RGS6: variants seen among roughly 807,000 people sequenced by gnomAD.
RGS6 encodes regulator of G-protein signaling 6.
In RGS6, 30 loss-of-function variants were observed where a neutral mutation model predicts 78.5. The observed-to-expected ratio is 0.38, with a 90% CI of 0.29 to 0.52. RGS6 has a LOEUF of 0.52. Ranked by LOEUF, RGS6 falls within the 20% of genes least tolerant of loss-of-function variation. RGS6 has a pLI of 0.85. For missense variants in RGS6, 495 were observed against 609.7 expected (o/e 0.81, Z 1.98); for synonymous variants, 206 against 206.0 (o/e 1.00, Z 0.00).
intron 3 of RGS6, among the ~76,000 whole-genome samples, chr14:72,378,549 A>G (rs539797991): frequency 1.3e-5 from 2 of 152,260 alleles, no homozygotes; most frequent in Admixed American, 6.5e-5. Context: ...AAGGATCGTT[A>G]GAGACTATAA....
chr14:72,309,149 G>A (rs1217897250), intron 2 of RGS6, among the ~76,000 whole-genome samples: 1 of 152,158 alleles, frequency 6.6e-6, no homozygotes, highest in African/African-American at 2.4e-5. Flanking sequence ...AGCATTTCAT[G>A]TGGAACCGGA....
At chr14:72,296,291 G>A (rs1197810833) in intron 2 of RGS6, among the ~76,000 whole-genome samples, 2 of 152,148 alleles carry the variant, frequency 1.3e-5, no homozygotes, top group East Asian at 1.9e-4. Context: ...TCTAAAAGCT[G>A]CCATGAAAAG....
At chr14:72,404,658 G>A (rs1224307565) in intron 3 of RGS6, among the ~76,000 whole-genome samples, 1 of 152,232 alleles carries the variant, frequency 6.6e-6, no homozygotes, top group African/African-American at 2.4e-5. Flanking sequence ...TAAAGGACAT[G>A]TTAGGTATTG....
At chr14:72,219,205 C>T (rs143831784) in intron 2 of RGS6, among the ~76,000 whole-genome samples, 2 of 152,154 alleles carry the variant, frequency 1.3e-5, no homozygotes, top group East Asian at 3.9e-4. Flanking sequence ...GGACTGGGAA[C>T]ATGCATGCTG....
chr14:72,580,109 A>C, the RGS6 span, among the ~76,000 whole-genome samples: 2 of 152,228 alleles, frequency 1.3e-5, no homozygotes, highest in Non-Finnish European at 2.9e-5. Context: ...TTGACCATCC[A>C]ACCTCTTAAT....
chr14:72,226,251 G>A (rs2048101306), intron 2 of RGS6, among the ~76,000 whole-genome samples: 1 of 152,192 alleles, frequency 6.6e-6, no homozygotes, highest in Non-Finnish European at 1.5e-5. Context: ...AGTTCCTAAA[G>A]CAAGTTATAA....
At chr14:72,179,858 C>G (rs1472400384) in intron 2 of RGS6, among the ~76,000 whole-genome samples, 1 of 152,000 alleles carries the variant, frequency 6.6e-6, no homozygotes, top group African/African-American at 2.4e-5. Flanking sequence ...GGAGGTGGGT[C>G]CAGCAATCAG....
At chr14:71,991,947 CTT>C (rs933664143) in intron 2 of RGS6, among the ~76,000 whole-genome samples, 1 of 151,782 alleles carries the variant, frequency 6.6e-6, no homozygotes, top group Non-Finnish European at 1.5e-5. Flanking sequence ...TCTAATAAAA[CTT>C]TATGAAAACA....
chr14:72,466,710 G>C (rs1360062851), intron 7 of RGS6, among the ~76,000 whole-genome samples: 3 of 152,232 alleles, frequency 2.0e-5, no homozygotes, highest in Admixed American at 6.5e-5. Context: ...ATGATTGCTA[G>C]TGGTTATGGA....
chr14:72,309,453 A>C (rs1040842415), intron 2 of RGS6, among the ~76,000 whole-genome samples: 1 of 152,212 alleles, frequency 6.6e-6, no homozygotes, highest in Non-Finnish European at 1.5e-5. Context: ...GAGTGGATAC[A>C]TATGTGTCTT....
At chr14:72,086,829 A>C (rs1200682436) in intron 2 of RGS6, among the ~76,000 whole-genome samples, 1 of 152,220 alleles carries the variant, frequency 6.6e-6, no homozygotes, top group African/African-American at 2.4e-5. Context: ...GAAGCATGGG[A>C]TAACAAATGT....
intron 2 of RGS6, among the ~76,000 whole-genome samples, chr14:72,015,984 T>A (rs993169237): frequency 6.6e-6 from 1 of 152,168 alleles, no homozygotes; most frequent in Non-Finnish European, 1.5e-5. Flanking sequence ...GCCCCAAATA[T>A]CTTTACTACT....
the RGS6 span, among the ~76,000 whole-genome samples, chr14:72,580,878 T>C: frequency 1.3e-5 from 2 of 152,212 alleles, no homozygotes; most frequent in African/African-American, 2.4e-5. Flanking sequence ...CAACCTGCTC[T>C]GCCTGCCTTA....
At chr14:72,259,126 G>A (rs1415364412) in intron 2 of RGS6, among the ~76,000 whole-genome samples, 1 of 152,162 alleles carries the variant, frequency 6.6e-6, no homozygotes, top group East Asian at 1.9e-4. Context: ...TTGCAAACTG[G>A]CAGTCCACCA....
intron 2 of RGS6, among the ~76,000 whole-genome samples, chr14:72,218,608 C>CTTAT (rs202069501): frequency 0.011 from 1,595 of 151,758 alleles, 23 homozygotes; most frequent in African/African-American, 0.036. Flanking sequence ...TTAAATACAT[C>CTTAT]TTATTTATTT....
At chr14:72,217,160 C>T (rs1270003962) in intron 2 of RGS6, among the ~76,000 whole-genome samples, 1 of 152,070 alleles carries the variant, frequency 6.6e-6, no homozygotes, top group Non-Finnish European at 1.5e-5. Context: ...TGAGAGAAAA[C>T]CCACATGCAG....
At chr14:72,610,858 C>T in the RGS6 span, among the ~76,000 whole-genome samples, 1 of 152,204 alleles carries the variant, frequency 6.6e-6, no homozygotes. Flanking sequence ...GGAAAGGGTC[C>T]AAGTCAGAGG....
In RGS6 at chr14:72,099,884, C is replaced by T. The variant is rs184580342; in HGVS notation, c.84+135009C>T. Among the ~76,000 whole-genome samples, 146 of 152,244 alleles carry T rather than the reference C, an allele frequency of 9.6e-4. 4 individuals carry two copies. Among genetic ancestry groups the T allele is most frequent in the Admixed American group, 9.3e-3 (142 of 15,298 alleles). The stretch of plus-strand genomic sequence containing the variant: ...CACTTTCAAACTGTATTACTCTCCC[C>T]GTTTCTACTTGGGAAACTGAGTATT... On this transcript the variant is annotated intron_variant, in intron 2 of 17. Transcript: ENST00000553525.
chr14:72,378,938 C>T (rs888514963), intron 3 of RGS6, among the ~76,000 whole-genome samples: 4 of 151,962 alleles, frequency 2.6e-5, no homozygotes, highest in Admixed American at 2.6e-4. Flanking sequence ...AAATCCTCAA[C>T]AAAATACAAA....
Sources: allele counts gnomAD v4.1 joint callset (sites outside exome capture counted in the v4.1 genomes callset), GRCh38; gene constraint gnomAD v4.1.1; transcripts MANE v1.5; gene names NCBI Gene and HGNC (gene_info 2026-07-23, HGNC 2026-07-21).